The following DLEC1 variants were observed in gnomAD, a reference collection of about 807,000 sequenced individuals.
DLEC1 encodes DLEC1 cilia and flagella associated protein.
A neutral mutation model predicts 198.1 loss-of-function variants in DLEC1; 146 were observed. That is an observed-to-expected ratio of 0.74 (90% CI 0.64 to 0.85). The LOEUF (loss-of-function observed/expected upper bound fraction) is 0.85, where lower values mean the gene tolerates loss of function less well. DLEC1 is among the 40% of genes least tolerant of loss of function. The pLI, the probability that DLEC1 is intolerant of heterozygous loss-of-function variation, is 0.00. For missense variants in DLEC1, 2,233 were observed against 2,220.0 expected (o/e 1.01, Z -0.12); for synonymous variants, 897 against 866.8 (o/e 1.03, Z -0.61).
intron 2 of DLEC1, among the ~76,000 whole-genome samples, chr3:38,046,020 AC>A (rs1475124568): frequency 6.6e-6 from 1 of 152,204 alleles, no homozygotes; most frequent in African/African-American, 2.4e-5. Flanking sequence ...AAAATGATGG[AC>A]ACTGCAATGG....
chr3:38,113,018 A>G (rs1179272171), intron 25 of DLEC1, among the ~76,000 whole-genome samples: 1 of 152,256 alleles, frequency 6.6e-6, no homozygotes, highest in African/African-American at 2.4e-5. Flanking sequence ...TGTGTTCTGT[A>G]TGACAAAGAA....
At chr3:38,076,492 C>T (rs56801802) in intron 6 of DLEC1, among the ~76,000 whole-genome samples, 51,568 of 151,044 alleles carry the variant, frequency 0.34, 9,178 homozygotes, top group East Asian at 0.55. Context: ...GAGTGGGGGT[C>T]GCAAAGTACT....
At position 38,116,974 on chromosome 3, in the gene DLEC1, G is replaced by A. The variant is rs1205087985; in HGVS notation, c.4180-1G>A. Reference sequence around the variant, plus strand: ...TGCTAAGGCTGCTGTGTCTATGCCAGGTGGTCCCTGCTGGGGGCAGCAGTA... The same window carrying A: ...TGCTAAGGCTGCTGTGTCTATGCCAAGTGGTCCCTGCTGGGGGCAGCAGTA... On this transcript the variant is annotated splice_acceptor_variant, in intron 29 of 36. Coordinates refer to ENST00000308059, the MANE Select transcript of DLEC1 (RefSeq NM_007335.4). LOFTEE classifies it high-confidence loss of function. 5 of 1,613,692 alleles carry A rather than the reference G, an allele frequency of 3.1e-6. No homozygotes were observed. The highest frequency in any genetic ancestry group is 1.3e-5 in the African/African-American group (1 of 74,916).
chr3:38,065,312 T>C (rs937815367), intron 6 of DLEC1, among the ~76,000 whole-genome samples: 2 of 151,568 alleles, frequency 1.3e-5, no homozygotes, highest in Non-Finnish European at 2.9e-5. Context: ...CCGCTCGGCA[T>C]CAGAGGGAGA....
At chr3:38,053,315 T>TCCCGG (rs1243203001) in intron 2 of DLEC1, among the ~76,000 whole-genome samples, 1 of 137,914 alleles carries the variant, frequency 7.3e-6, no homozygotes, top group Non-Finnish European at 1.6e-5. Context: ...GAGCGCCTCT[T>TCCCGG]CCCGGCCGCC....
intron 26 of DLEC1, 140 bp from the exon 27 acceptor site, chr3:38,114,843 C>T (rs1700066603): frequency 1.4e-6 from 1 of 740,292 alleles, no homozygotes; most frequent in Non-Finnish European, 2.2e-6. Flanking sequence ...AGGCACCAGC[C>T]CCAGGTCTCA....
chr3:38,091,570 A>G (rs1176784695), intron 10 of DLEC1, among the ~76,000 whole-genome samples: 1 of 152,242 alleles, frequency 6.6e-6, no homozygotes, highest in Non-Finnish European at 1.5e-5. Flanking sequence ...CAAGCAACAG[A>G]GTGAAGAGAC....
chr3:38,051,420 G>T (rs1480621051), intron 2 of DLEC1, among the ~76,000 whole-genome samples: 1 of 152,208 alleles, frequency 6.6e-6, no homozygotes, highest in African/African-American at 2.4e-5. Context: ...CTGCCAGAGG[G>T]CAATGAGTTC....
In DLEC1 at chr3:38,039,561, A is replaced by G. The variant is rs749216711; in HGVS notation, c.336A>G (p.Glu112=). The G allele has an allele frequency of 2.5e-6, 4 of 1,613,902 alleles. No homozygotes were observed. Among genetic ancestry groups the G allele is most frequent in the Non-Finnish European group, 3.4e-6 (4 of 1,179,918 alleles). ...NLYSAEVIGD[E]VSASLIKARG... ...ACTCAGCCGAGGTCATCGGCGACGAAGTGAGCGCAAGCTTGATCAAGGCCC... is the reference window on the plus strand; with the variant it reads ...ACTCAGCCGAGGTCATCGGCGACGAGGTGAGCGCAAGCTTGATCAAGGCCC... Residue 112 remains glutamate, a synonymous_variant, in exon 1 of 37, where the codon GAA becomes GAG. Transcript: ENST00000308059.
intron 35 of DLEC1, 112 bp from the exon 36 acceptor site, chr3:38,121,959 C>G: frequency 6.5e-7 from 1 of 1,535,914 alleles, no homozygotes; most frequent in Non-Finnish European, 8.8e-7. Flanking sequence ...GGTTGCCCTG[C>G]CCTGCAGTGC....
In DLEC1 at chr3:38,117,517, T is replaced by C. The variant is rs975189972; in HGVS notation, c.4401-10T>C. 1.9e-6 allele frequency: 3 copies of C among 1,614,058 alleles called. No homozygotes were observed. The African/African-American group carries it at 4.0e-5, about 22-fold the overall frequency. On this transcript the variant is annotated splice_polypyrimidine_tract_variant and intron_variant, in intron 31 of 36. Transcript: ENST00000308059. Reference sequence around the variant, plus strand: ...CCCGGCTTGCCCCAACAATGCCTATTGCTGGGCAGGCTAAGTGTGGAGCTG... The same window carrying C: ...CCCGGCTTGCCCCAACAATGCCTATCGCTGGGCAGGCTAAGTGTGGAGCTG...
In DLEC1 at chr3:38,097,921, G is replaced by A. The variant is rs766434168; in HGVS notation, c.2724+19G>A. ...TGAGGATGTAAGTCAGGCACTGCTG[G>A]TTCCTCTGGTGCCCCCACAATGAGC... is the stretch of plus-strand genomic sequence containing the variant. On this transcript the variant is annotated intron_variant, in intron 18 of 36. Transcript: ENST00000308059. The A allele has an allele frequency of 6.2e-7, 1 of 1,613,872 alleles. No homozygotes were observed. The highest frequency in any genetic ancestry group is 1.1e-5 in the South Asian group (1 of 91,060).
rs185789209 is a variant in DLEC1 at position 38,056,768 on chromosome 3, C to T, written c.563-2974C>T. Among the ~76,000 whole-genome samples the T allele has an allele frequency of 1.4e-3, 214 of 151,986 alleles. 3 individuals carry two copies. The highest frequency in any genetic ancestry group is 5.1e-3 in the African/African-American group (210 of 41,452). On this transcript the variant is annotated intron_variant, in intron 2 of 36. Transcript: ENST00000308059. The stretch of plus-strand genomic sequence containing the variant: ...ACAAAATCCACAAAAGCAAATATAA[C>T]GAACAGATTCAGTATCCAAAATATG...
chr3:38,101,243 G>A (rs1273895328), intron 19 of DLEC1, among the ~76,000 whole-genome samples: 1 of 152,100 alleles, frequency 6.6e-6, no homozygotes, highest in Non-Finnish European at 1.5e-5. Flanking sequence ...AAATCACGAG[G>A]TCAGGAGTTC....
At chr3:38,042,790 C>T (rs1436449150) in intron 1 of DLEC1, among the ~76,000 whole-genome samples, 2 of 151,984 alleles carry the variant, frequency 1.3e-5, no homozygotes, top group Admixed American at 6.5e-5. Context: ...CTCCTGACCT[C>T]GTGATCCACC....
intron 3 of DLEC1, among the ~76,000 whole-genome samples, chr3:38,060,683 AC>A (rs1485707766): frequency 1.3e-5 from 2 of 149,490 alleles, no homozygotes; most frequent in Non-Finnish European, 3.0e-5. Flanking sequence ...GTCATGGAGT[AC>A]TAAGCCACTT....
Position 38,117,309 on chromosome 3 carries a change from C to A in DLEC1, c.4400+7C>A. The stretch of plus-strand genomic sequence containing the variant: ...GCTACGTGAGGCCTGCACAGTGAGT[C>A]AGCTGGGGTGCCCCATCTCCTTTCA... On this transcript the variant is annotated splice_region_variant and intron_variant, in intron 31 of 36. Coordinates refer to ENST00000308059, the MANE Select transcript of DLEC1 (RefSeq NM_007335.4). 1 of 1,613,744 alleles carries A rather than the reference C, an allele frequency of 6.2e-7. No homozygotes were observed. The highest frequency in any genetic ancestry group is 1.1e-5 in the South Asian group (1 of 90,992).
chr3:38,049,579 T>C (rs1337865529), intron 2 of DLEC1, among the ~76,000 whole-genome samples: 1 of 152,140 alleles, frequency 6.6e-6, no homozygotes, highest in African/African-American at 2.4e-5. Flanking sequence ...AGCCACAGTG[T>C]TAGTATAGGA....
In DLEC1 at chr3:38,108,437, G is replaced by A. The variant is rs1699683232; in HGVS notation, c.3051G>A (p.Val1017=). Residue 1017 remains valine, a synonymous_variant, in exon 21 of 37, where the codon GTG becomes GTA. Coordinates refer to ENST00000308059, the MANE Select transcript of DLEC1 (RefSeq NM_007335.4). ...GACACCAAGCAGAATTCTGCATGGT[G>A]ACAGTCTCCCCCAAACATGGCCTGC... ...LLGHQAEFCM[V]TVSPKHGLLG... 1 of 1,614,178 alleles carries A rather than the reference G, an allele frequency of 6.2e-7. No individual in the cohort carries two copies. The highest frequency in any genetic ancestry group is 1.3e-5 in the African/African-American group (1 of 75,064).
Sources: gnomAD v4.1 joint callset for allele counts (sites outside exome capture counted in the v4.1 genomes callset) on GRCh38, gnomAD v4.1.1 for gene constraint, MANE v1.5 for transcripts, NCBI Gene and HGNC (gene_info 2026-07-23, HGNC 2026-07-21) for gene names.